Variants in TMEM132C observed in about 807,000 individuals in gnomAD.
TMEM132C encodes protein phosphatase 1, regulatory subunit 152.
In TMEM132C, 29 loss-of-function variants were observed where a neutral mutation model predicts 61.4. The ratio of observed to expected loss-of-function variants is 0.47; its 90% CI spans 0.35 to 0.64. TMEM132C has a LOEUF of 0.64. Ranked by LOEUF, TMEM132C falls within the 30% of genes least tolerant of loss-of-function variation. The pLI is 0.00. For synonymous variants in TMEM132C, 656 were observed against 633.1 expected, an observed-to-expected ratio of 1.04 and a Z score of -0.54; for missense variants, 1,408 against 1,476.9, an observed-to-expected ratio of 0.95 and a Z score of 0.76.
intron 5 of TMEM132C, among the ~76,000 whole-genome samples, chr12:128,685,721 G>C (rs1462392072): frequency 2.0e-5 from 3 of 151,284 alleles, no homozygotes; most frequent in Non-Finnish European, 4.4e-5. Flanking sequence ...AGCCAGCTCA[G>C]CGTCATGGCT....
At chr12:128,493,841 T>A (rs1342712489) in intron 2 of TMEM132C, among the ~76,000 whole-genome samples, 8 of 152,294 alleles carry the variant, frequency 5.3e-5, no homozygotes, top group Non-Finnish European at 8.8e-5. Context: ...TACCCTTTAT[T>A]TCTTTCTCCT....
chr12:128,642,884 A>C (rs1954168112), intron 4 of TMEM132C, among the ~76,000 whole-genome samples: 1 of 152,234 alleles, frequency 6.6e-6, no homozygotes, highest in South Asian at 2.1e-4. Flanking sequence ...CTGGCTTCCA[A>C]GTGTGTGCTG....
At position 128,414,810 on chromosome 12, in the gene TMEM132C, T is replaced by A. The variant is rs758355482; in HGVS notation, c.164T>A (p.Ile55Asn). The change falls in exon 2 of 9, where the codon ATC (isoleucine) becomes AAC (asparagine). Residue 55 changes from isoleucine to asparagine, a missense_variant. Ile to Asn is a moderately radical substitution (Grantham distance 149, BLOSUM62 -3). Coordinates refer to ENST00000435159, the MANE Select transcript of TMEM132C (RefSeq NM_001136103.3). ...LPPYLPVSYH[I>N]LRAETSFFLK... ...CCTTACCTACCTGTGAGCTACCACA[T>A]CCTCAGAGCAGAGACCTCCTTCTTC... The A allele has an allele frequency of 6.5e-7, 1 of 1,543,780 alleles. No individual in the cohort carries two copies. Among genetic ancestry groups the A allele is most frequent in the South Asian group, 1.2e-5 (1 of 84,052 alleles).
chr12:128,655,306 T>G (rs1282435986), intron 4 of TMEM132C, among the ~76,000 whole-genome samples: 1 of 152,186 alleles, frequency 6.6e-6, no homozygotes, highest in East Asian at 1.9e-4. Context: ...GAGGGAAAAT[T>G]ACCTTACTGG....
chr12:128,300,598 A>G (rs1020808416), intron 1 of TMEM132C, among the ~76,000 whole-genome samples: 2 of 152,156 alleles, frequency 1.3e-5, no homozygotes, highest in African/African-American at 4.8e-5. Context: ...CGTATTTTCC[A>G]TAAGTGATTC....
At chr12:128,437,074 A>C (rs1460305331) in intron 2 of TMEM132C, among the ~76,000 whole-genome samples, 4 of 152,046 alleles carry the variant, frequency 2.6e-5, no homozygotes, top group Non-Finnish European at 4.4e-5. Flanking sequence ...CATGTTCTCA[A>C]TCATAGGTGG....
intron 2 of TMEM132C, among the ~76,000 whole-genome samples, chr12:128,515,917 G>T (rs566493545): frequency 6.6e-6 from 1 of 152,240 alleles, no homozygotes; most frequent in East Asian, 1.9e-4. Context: ...TAATGCAAGG[G>T]TATATTATAG....
At chr12:128,439,922 T>C (rs1869727957) in intron 2 of TMEM132C, among the ~76,000 whole-genome samples, 1 of 152,204 alleles carries the variant, frequency 6.6e-6, no homozygotes, top group Non-Finnish European at 1.5e-5. Context: ...GATTGTACCC[T>C]TGAGGGACCA....
intron 1 of TMEM132C, among the ~76,000 whole-genome samples, chr12:128,379,052 CTCT>C (rs1874317517): frequency 6.6e-6 from 1 of 152,206 alleles, no homozygotes; most frequent in African/African-American, 2.4e-5. Context: ...TCCATTCAAC[CTCT>C]TTTCTTTGTA....
At chr12:128,361,809 A>AT (rs1221222695) in intron 1 of TMEM132C, among the ~76,000 whole-genome samples, 1 of 152,124 alleles carries the variant, frequency 6.6e-6, no homozygotes, top group Non-Finnish European at 1.5e-5. Context: ...GGCCCCGTTG[A>AT]TAAGCTTTTT....
intron 1 of TMEM132C, among the ~76,000 whole-genome samples, chr12:128,318,402 A>G (rs1200367182): frequency 6.6e-6 from 1 of 152,190 alleles, no homozygotes; most frequent in Admixed American, 6.5e-5. Context: ...ATTAGAAATC[A>G]TTTTGTGTAC....
At chr12:128,689,569 C>T (rs1047851692) in intron 5 of TMEM132C, among the ~76,000 whole-genome samples, 3 of 152,114 alleles carry the variant, frequency 2.0e-5, no homozygotes, top group Non-Finnish European at 4.4e-5. Flanking sequence ...CCCTGAGATG[C>T]ACAAAAACCA....
intron 4 of TMEM132C, among the ~76,000 whole-genome samples, chr12:128,621,815 T>C (rs1249033661): frequency 6.6e-6 from 1 of 152,112 alleles, no homozygotes; most frequent in East Asian, 1.9e-4. Flanking sequence ...CCCTAGGCCT[T>C]GGGGTAGAAA....
intron 2 of TMEM132C, among the ~76,000 whole-genome samples, chr12:128,539,774 G>C (rs1336406934): frequency 1.3e-5 from 2 of 151,986 alleles, no homozygotes; most frequent in Non-Finnish European, 2.9e-5. Flanking sequence ...TCTTTCTGAT[G>C]GTTTTTTTCT....
At chr12:128,486,048 T>C (rs1871483082) in intron 2 of TMEM132C, among the ~76,000 whole-genome samples, 1 of 152,192 alleles carries the variant, frequency 6.6e-6, no homozygotes, top group African/African-American at 2.4e-5. Flanking sequence ...TGACACGTTG[T>C]GTGTTCATTT....
At chr12:128,529,553 G>A (rs966459575) in intron 2 of TMEM132C, among the ~76,000 whole-genome samples, 5 of 152,186 alleles carry the variant, frequency 3.3e-5, no homozygotes, top group Admixed American at 2.6e-4. Flanking sequence ...AGAGGCCAAG[G>A]CGGGTGGATC....
At chr12:128,625,336 A>G (rs1954004738) in intron 4 of TMEM132C, among the ~76,000 whole-genome samples, 1 of 151,148 alleles carries the variant, frequency 6.6e-6, no homozygotes, top group Admixed American at 6.6e-5. Flanking sequence ...TGGTGCATAG[A>G]CAGTGGCTTC....
intron 1 of TMEM132C, among the ~76,000 whole-genome samples, chr12:128,296,559 C>CT (rs1414072622): frequency 1.3e-5 from 2 of 152,206 alleles, no homozygotes; most frequent in Non-Finnish European, 2.9e-5. Context: ...AATTTCCTCT[C>CT]TGTCTTTCCT....
At chr12:128,413,950 A>G (rs1204379249) in intron 1 of TMEM132C, among the ~76,000 whole-genome samples, 3 of 152,220 alleles carry the variant, frequency 2.0e-5, no homozygotes, top group African/African-American at 7.2e-5. Context: ...GAATTCATCC[A>G]TGTTTTCTTT....
Sources: gnomAD v4.1 joint callset for allele counts (sites outside exome capture counted in the v4.1 genomes callset) on GRCh38, gnomAD v4.1.1 for gene constraint, MANE v1.5 for transcripts, NCBI Gene and HGNC (gene_info 2026-07-23, HGNC 2026-07-21) for gene names.